FUBP3: variants seen among roughly 807,000 people sequenced by gnomAD.
The protein encoded by FUBP3 is far upstream element-binding protein 3.
Under a neutral mutation model 85.6 loss-of-function variants are expected in FUBP3, and 28 were observed. The ratio of observed to expected loss-of-function variants is 0.33; its 90% CI spans 0.24 to 0.45. The LOEUF is 0.45. Among genes scored for constraint, FUBP3 ranks in the 20% least tolerant of loss-of-function variants. The pLI is 1.00. For missense variants in FUBP3, 583 were observed against 755.1 expected, an observed-to-expected ratio of 0.77 and a Z score of 2.67; for synonymous variants, 271 against 271.4, an observed-to-expected ratio of 1.00 and a Z score of 0.01.
At chr9:130,605,781 T>G (rs1000275303) in intron 2 of FUBP3, among the ~76,000 whole-genome samples, 1 of 152,102 alleles carries the variant, frequency 6.6e-6, no homozygotes, top group Non-Finnish European at 1.5e-5. Context: ...GTCAGGAGTT[T>G]GAGACCAGCT....
intron 18 of FUBP3, 147 bp from the exon 19 acceptor site, chr9:130,636,867 T>A: frequency 1.4e-6 from 1 of 692,330 alleles, no homozygotes; most frequent in Non-Finnish European, 2.6e-6. Context: ...CTGCCCCAAG[T>A]CCCTAGTGGA....
chr9:130,597,187 A>G (rs1468402468), intron 2 of FUBP3, among the ~76,000 whole-genome samples: 1 of 152,202 alleles, frequency 6.6e-6, no homozygotes, highest in Non-Finnish European at 1.5e-5. Flanking sequence ...TTCACTTAAC[A>G]TAATGATCTC....
Position 130,616,244 on chromosome 9 carries a change from G to C in FUBP3, c.405-111G>C, listed in dbSNP as rs911736593. 6 of 955,518 alleles carry C rather than the reference G, an allele frequency of 6.3e-6. No homozygotes were observed. The African/African-American group carries it at 9.8e-5, about 16-fold the overall frequency. The allele number at this position is 955,518 out of a possible 1,614,324, so 59.2% of individuals were successfully genotyped here. A position where few individuals can be genotyped will look rare whatever the true frequency, so the allele number is the denominator to read the frequency against. ...TGGGGGCAGGAGCTGGAGCTGGATG[G>C]AGGGCTGCCCTGACTCCCGCAGGTT... On this transcript the variant is annotated intron_variant, in intron 6 of 18. Transcript: ENST00000319725. The surrounding 1 kb of genome is among the most constrained non-coding windows in gnomAD (Gnocchi z 4.7).
At chr9:130,587,920 G>A (rs1383777214) in intron 1 of FUBP3, among the ~76,000 whole-genome samples, 3 of 152,174 alleles carry the variant, frequency 2.0e-5, no homozygotes, top group Non-Finnish European at 4.4e-5. Context: ...ATTTAATTCT[G>A]CCTAAGCATA....
intron 3 of FUBP3, among the ~76,000 whole-genome samples, chr9:130,610,285 C>T (rs1588140960): frequency 6.6e-6 from 1 of 152,184 alleles, no homozygotes; most frequent in East Asian, 1.9e-4. Flanking sequence ...GAGATTTTCC[C>T]ACCTGGTTTT....
chr9:130,602,458 C>G (rs1435847872), intron 2 of FUBP3, among the ~76,000 whole-genome samples: 2 of 151,998 alleles, frequency 1.3e-5, no homozygotes, highest in African/African-American at 4.8e-5. Flanking sequence ...AATCCCAGAC[C>G]TCAAGGAGAG....
chr9:130,595,148 C>T (rs867021536), intron 1 of FUBP3, among the ~76,000 whole-genome samples: 29 of 150,346 alleles, frequency 1.9e-4, no homozygotes, highest in Non-Finnish European at 4.3e-4. Context: ...ATCGCTTGAA[C>T]CCGGGAGGCA....
Position 130,612,488 on chromosome 9 carries a change from AC to A in FUBP3, c.258del (p.Asp86GlufsTer73). 6.3e-7 allele frequency: 1 copy of A among 1,596,772 alleles called. No individual in the cohort carries two copies. The highest frequency in any genetic ancestry group is 8.6e-7 in the Non-Finnish European group (1 of 1,165,130). ...ATAACGGAAGAATTCAAAGTGCCTG[AC>A]AAAATGGTTGGATTTAGTAAGTATC... ...TVITEEFKVP[D>X]KMVGFIIGRG... On this transcript the variant is annotated frameshift_variant, in exon 4 of 19. Transcript: ENST00000319725. LOFTEE classifies it high-confidence loss of function. This position sits in a 1 kb window ranked among gnomAD's most constrained non-coding sequence, Gnocchi z 4.1.
chr9:130,629,262 G>A lies in FUBP3; in HGVS notation c.1118-1366G>A, dbSNP rs201159665. ...GTCCCCAGACAGGCGGGTCTGGCCA[G>A]GGTGGAAAATGCAGGGATGCTTCTC... On this transcript the variant is annotated intron_variant, in intron 12 of 18. Coordinates refer to ENST00000319725, the MANE Select transcript of FUBP3 (RefSeq NM_003934.2). 7.2e-5 allele frequency among the ~76,000 whole-genome samples: 11 copies of A among 152,310 alleles called. No homozygotes were observed. In the East Asian group the frequency reaches 2.1e-3, roughly 29 times the overall value.
At chr9:130,620,539 T>C (rs1829704203) in intron 9 of FUBP3, 81 bp downstream of exon 9, 1 of 650,540 alleles carries the variant, frequency 1.5e-6, no homozygotes, top group Non-Finnish European at 2.6e-6. Flanking sequence ...TCTTTAACCC[T>C]GAGCAAGTTA....
At chr9:130,582,041 AAAG>A (rs1421121874) in intron 1 of FUBP3, 2 of 152,268 alleles carry the variant, frequency 1.3e-5, no homozygotes, top group East Asian at 1.9e-4. Flanking sequence ...CTTAGATTGA[AAAG>A]AAGTCTCTGA....
At chr9:130,605,944 G>A (rs4740354) in intron 2 of FUBP3, among the ~76,000 whole-genome samples, 100,095 of 147,932 alleles carry the variant, frequency 0.68, 34,944 homozygotes, top group East Asian at 0.92. Context: ...AGATCGCGCC[G>A]CTGCACTCCA....
At chr9:130,610,155 C>T (rs1755666752) in intron 3 of FUBP3, among the ~76,000 whole-genome samples, 168 bp downstream of exon 3, 1 of 152,152 alleles carries the variant, frequency 6.6e-6, no homozygotes, top group South Asian at 2.1e-4. Context: ...ATAGTGTCAG[C>T]TCAGGGATAA....
Position 130,636,052 on chromosome 9 carries a change from G to T in FUBP3, c.1636G>T (p.Ala546Ser), listed in dbSNP as rs374968551. ...CAGCTCCCCACCGGACTACACAATG[G>T]CCTGGGCAGAATATTACAGACAGCA... ...QASSPPDYTM[A>S]WAEYYRQQVA... The change falls in exon 18 of 19, where the codon GCC becomes TCC. Residue 546 changes from alanine to serine, a missense_variant. By Grantham distance (99) the Ala-to-Ser change is moderately conservative. This residue lies in a region of FUBP3 where 404 missense variants were observed against 516.8 expected (regional missense o/e 0.78). Transcript: ENST00000319725. 3.1e-6 allele frequency: 5 copies of T among 1,613,924 alleles called. No individual in the cohort carries two copies. Among genetic ancestry groups the T allele is most frequent in the Non-Finnish European group, 4.2e-6 (5 of 1,179,920 alleles).
At position 130,614,375 on chromosome 9, in the gene FUBP3, A is replaced by G. The variant is rs1483206545; in HGVS notation, c.404+30A>G. 6 of 1,403,722 alleles carry G rather than the reference A, an allele frequency of 4.3e-6. No individual in the cohort carries two copies. The East Asian group carries it at 1.4e-4, about 32-fold the overall frequency. 87.0% of individuals were successfully genotyped at this position (1,403,722 alleles called of 1,614,324 possible). ...GTTTATTTTATTTACTTTTTCTTTCACTCTTCTTCCTCCTTCCCCAAATGG... is the reference window on the plus strand; with the variant it reads ...GTTTATTTTATTTACTTTTTCTTTCGCTCTTCTTCCTCCTTCCCCAAATGG... On this transcript the variant is annotated intron_variant, in intron 6 of 18. Coordinates refer to ENST00000319725, the MANE Select transcript of FUBP3 (RefSeq NM_003934.2).
chr9:130,610,622 T>C (rs1831695495), intron 3 of FUBP3, among the ~76,000 whole-genome samples: 1 of 152,236 alleles, frequency 6.6e-6, no homozygotes. Flanking sequence ...GGTCATAGTG[T>C]ATCGCCCTTC....
intron 12 of FUBP3, among the ~76,000 whole-genome samples, chr9:130,626,784 A>T (rs1829994948): frequency 6.6e-6 from 1 of 152,158 alleles, no homozygotes; most frequent in African/African-American, 2.4e-5. Context: ...AGCTTGGTGA[A>T]AAGATACCTT....
chr9:130,602,166 A>T (rs1012576726), intron 2 of FUBP3, among the ~76,000 whole-genome samples: 1 of 151,852 alleles, frequency 6.6e-6, no homozygotes, highest in African/African-American at 2.4e-5. Context: ...TACACTACCC[A>T]CTCACCAATG....
intron 1 of FUBP3, among the ~76,000 whole-genome samples, chr9:130,585,086 GGA>G (rs1416917457): frequency 6.6e-6 from 1 of 152,112 alleles, no homozygotes; most frequent in Admixed American, 6.6e-5. Context: ...CTTGAACCTG[GGA>G]GACAGAGGTT....
Sources: allele counts gnomAD v4.1 joint callset (sites outside exome capture counted in the v4.1 genomes callset), GRCh38; gene constraint gnomAD v4.1.1; regional missense constraint gnomAD v4.1.1; non-coding constraint Gnocchi (gnomAD v3.1); transcripts MANE v1.5; gene names NCBI Gene and HGNC (gene_info 2026-07-23, HGNC 2026-07-21).